LRRTM4: variants seen among roughly 807,000 people sequenced by gnomAD.
LRRTM4 encodes the protein leucine rich repeat transmembrane neuronal 4, also known as leucine-rich repeat transmembrane neuronal protein 4.
In LRRTM4, 25 loss-of-function variants were observed where a neutral mutation model predicts 47.6. The observed-to-expected ratio is 0.53, with a 90% confidence interval of 0.38 to 0.73. The LOEUF is 0.73. LRRTM4 is among the 30% of genes least tolerant of loss of function. LRRTM4 has a pLI of 0.00. For synonymous variants in LRRTM4, 311 were observed against 269.5 expected (o/e 1.15, Z -1.51); for missense variants, 638 against 713.4 (o/e 0.89, Z 1.20).
At chr2:77,251,249 G>GTA (rs142860275) in intron 3 of LRRTM4, among the ~76,000 whole-genome samples, 18,026 of 70,024 alleles carry the variant, frequency 0.26, 1,514 homozygotes, top group African/African-American at 0.44. Flanking sequence ...GTGTGTGTGT[G>GTA]TATATATATA....
intron 3 of LRRTM4, among the ~76,000 whole-genome samples, chr2:76,976,084 T>G (rs1314428843): frequency 6.6e-6 from 1 of 151,806 alleles, no homozygotes; most frequent in East Asian, 1.9e-4. Flanking sequence ...CTGGTTTGTG[T>G]GCATTTTATG....
chr2:77,061,387 G>A (rs972472327), intron 3 of LRRTM4, among the ~76,000 whole-genome samples: 2 of 152,102 alleles, frequency 1.3e-5, no homozygotes, highest in Admixed American at 1.3e-4. Flanking sequence ...TGAAAAAAAA[G>A]TGACCTTCAA....
intron 3 of LRRTM4, among the ~76,000 whole-genome samples, chr2:77,157,608 C>T (rs1324549917): frequency 6.6e-6 from 1 of 151,944 alleles, no homozygotes; most frequent in Non-Finnish European, 1.5e-5. Flanking sequence ...TACTTGCGGT[C>T]AGAGAAAGGA....
intron 3 of LRRTM4, among the ~76,000 whole-genome samples, chr2:77,445,525 C>T (rs762234723): frequency 1.3e-4 from 19 of 151,868 alleles, no homozygotes; most frequent in East Asian, 3.9e-4. Context: ...AATCTTCAAA[C>T]GATTTCTGAG....
chr2:77,089,994 T>A (rs976634562), intron 3 of LRRTM4, among the ~76,000 whole-genome samples: 3 of 152,102 alleles, frequency 2.0e-5, no homozygotes, highest in Non-Finnish European at 4.4e-5. Context: ...ACCCCAAGCA[T>A]CGCTGAGTCT....
intron 3 of LRRTM4, among the ~76,000 whole-genome samples, chr2:77,198,157 G>T (rs1462318938): frequency 6.6e-6 from 1 of 152,148 alleles, no homozygotes; most frequent in African/African-American, 2.4e-5. Flanking sequence ...TGTTCTACAA[G>T]ACCTTGGGCG....
chr2:76,822,268 G>A (rs1359472971), intron 3 of LRRTM4, among the ~76,000 whole-genome samples: 1 of 151,314 alleles, frequency 6.6e-6, no homozygotes, highest in African/African-American at 2.4e-5. Context: ...TGGGGAAAAT[G>A]TGTTGACTAA....
chr2:77,374,028 T>C (rs1672741906), intron 3 of LRRTM4, among the ~76,000 whole-genome samples: 1 of 151,824 alleles, frequency 6.6e-6, no homozygotes, highest in Admixed American at 6.6e-5. Flanking sequence ...TGACCTTCAC[T>C]TTTCCACTGG....
rs200171781 is a variant in LRRTM4, at chr2:77,520,944, CT to C, written c.4+723del. The stretch of plus-strand genomic sequence containing the variant: ...AAACAACTACCATGTGTTGCAGTTT[CT>C]TTTTTTTTCTTAAATTTTTAAATTT... On this transcript the variant is annotated intron_variant, in intron 2 of 3. Coordinates refer to ENST00000409884, the MANE Select transcript of LRRTM4 (RefSeq NM_001134745.3). 7.9e-3 allele frequency among the ~76,000 whole-genome samples: 1,195 copies of C among 151,288 alleles called. 10 individuals carry two copies. The highest frequency in any genetic ancestry group is 0.02 in the African/African-American group (807 of 41,334).
chr2:77,312,152 C>A (rs551415979), intron 3 of LRRTM4, among the ~76,000 whole-genome samples: 1 of 152,196 alleles, frequency 6.6e-6, no homozygotes, highest in Admixed American at 6.5e-5. Context: ...GCCCACAAAT[C>A]CCTGTCATTA....
At chr2:77,435,165 A>C (rs1004654400) in intron 3 of LRRTM4, among the ~76,000 whole-genome samples, 4 of 152,000 alleles carry the variant, frequency 2.6e-5, no homozygotes, top group African/African-American at 9.7e-5. Context: ...TGGGGGGCAA[A>C]AGAGCCCCTG....
intron 3 of LRRTM4, among the ~76,000 whole-genome samples, chr2:76,857,467 G>A (rs950396328): frequency 2.0e-5 from 3 of 151,832 alleles, no homozygotes; most frequent in African/African-American, 2.4e-5. Flanking sequence ...TAGGCTCTTA[G>A]TAGTTAAGTT....
intron 3 of LRRTM4, among the ~76,000 whole-genome samples, chr2:77,151,117 A>ATGTGTGTG (rs144817565): frequency 1.2e-4 from 18 of 147,638 alleles, no homozygotes; most frequent in African/African-American, 3.9e-4. Context: ...ACGTCCGTGT[A>ATGTGTGTG]TGTGTGTGTG....
intron 3 of LRRTM4, among the ~76,000 whole-genome samples, chr2:76,756,976 T>A (rs529663231): frequency 1.3e-5 from 2 of 152,134 alleles, no homozygotes; most frequent in Non-Finnish European, 2.9e-5. Context: ...GAAGATGGAA[T>A]AAATAATAAA....
At chr2:77,385,291 C>A (rs1673217786) in intron 3 of LRRTM4, among the ~76,000 whole-genome samples, 1 of 152,110 alleles carries the variant, frequency 6.6e-6, no homozygotes, top group South Asian at 2.1e-4. Context: ...CATTTCTCAA[C>A]CTTTTGTCCT....
In LRRTM4 at chr2:77,175,878, C is replaced by T. The variant is rs540065282; in HGVS notation, c.1551+342440G>A. On this transcript the variant is annotated intron_variant, in intron 3 of 3. Coordinates refer to ENST00000409884, the MANE Select transcript of LRRTM4 (RefSeq NM_001134745.3). ...TTTACCATGTTGGCCAGGCTGGTCTCGAACTCCTGACCTCAAGTGATCTGC... is the reference window on the plus strand; with the variant it reads ...TTTACCATGTTGGCCAGGCTGGTCTTGAACTCCTGACCTCAAGTGATCTGC... 2.0e-5 allele frequency among the ~76,000 whole-genome samples: 3 copies of T among 152,078 alleles called. No individual in the cohort carries two copies. The South Asian group carries it at 6.2e-4, about 32-fold the overall frequency.
intron 3 of LRRTM4, among the ~76,000 whole-genome samples, chr2:76,784,631 C>A (rs1331106717): frequency 6.6e-6 from 1 of 152,064 alleles, no homozygotes; most frequent in Non-Finnish European, 1.5e-5. Flanking sequence ...TGGGGCACCA[C>A]TGATTTTGAA....
In LRRTM4 at chr2:77,519,398, C is replaced by A. The variant is rs758828592; in HGVS notation, c.471G>T (p.Arg157=). ...ATCTCAAGTGCAAAATGATGAGTTT[C>A]CGAAGGCCTTTAAATTGTTCAGATT... ...TLQSEQFKGL[R]KLIILHLRSN... The change falls in exon 3 of 4, where the codon CGG becomes CGT. Residue 157 remains arginine, a synonymous_variant. Coordinates refer to ENST00000409884, the MANE Select transcript of LRRTM4 (RefSeq NM_001134745.3). This position sits in a 1 kb window ranked among gnomAD's most constrained non-coding sequence, Gnocchi z 4.6. The A allele has an allele frequency of 6.2e-7, 1 of 1,613,254 alleles. No individual in the cohort carries two copies. Among genetic ancestry groups the A allele is most frequent in the Non-Finnish European group, 8.5e-7 (1 of 1,179,610 alleles).
At chr2:76,789,695 C>CATGAGGGAGGAGTGTTAA (rs1182595789) in intron 3 of LRRTM4, among the ~76,000 whole-genome samples, 1 of 152,110 alleles carries the variant, frequency 6.6e-6, no homozygotes, top group Non-Finnish European at 1.5e-5. Context: ...GACTCTGTAT[C>CATGAGGGAGGAGTGTTAA]ATGAGGGAGG....
Sources: gnomAD v4.1 joint callset for allele counts (sites outside exome capture counted in the v4.1 genomes callset) on GRCh38, gnomAD v4.1.1 for gene constraint, Gnocchi (gnomAD v3.1) non-coding constraint, MANE v1.5 for transcripts, NCBI Gene and HGNC (gene_info 2026-07-23, HGNC 2026-07-21) for gene names.